DEPDC5: variants seen among roughly 807,000 people sequenced by gnomAD.
The protein encoded by DEPDC5 is DEP domain containing 5, GATOR1 subcomplex subunit, also known as GATOR1 complex protein DEPDC5.
In DEPDC5, 73 loss-of-function variants were observed where a neutral mutation model predicts 217.3. That is an observed-to-expected ratio of 0.34 (90% confidence interval 0.28 to 0.41). DEPDC5 has a LOEUF of 0.41. Ranked by LOEUF, DEPDC5 falls within the 10% of genes least tolerant of loss-of-function variation. The probability of loss-of-function intolerance (pLI) is 1.00; values close to 1 mark genes in which losing one functional copy is unlikely to be tolerated. For synonymous variants in DEPDC5, 733 were observed against 756.7 expected, an observed-to-expected ratio of 0.97 and a Z score of 0.51; for missense variants, 1,675 against 2,070.1, an observed-to-expected ratio of 0.81 and a Z score of 3.70.
chr22:31,846,165 A>T (rs1210033724), intron 30 of DEPDC5, among the ~76,000 whole-genome samples: 1 of 152,082 alleles, frequency 6.6e-6, no homozygotes, highest in Middle Eastern at 3.2e-3. Context: ...CCTGGCAACC[A>T]CTGGTGTGTT....
intron 10 of DEPDC5, among the ~76,000 whole-genome samples, chr22:31,790,275 A>G (rs2085464942): frequency 6.6e-6 from 1 of 152,158 alleles, no homozygotes; most frequent in South Asian, 2.1e-4. Context: ...TGTAGTCACT[A>G]AGCATACTTA....
chr22:31,814,885 T>C lies in DEPDC5; in HGVS notation c.1446-107T>C. Reference sequence around the variant, plus strand: ...CACTTGTAGATCACACTGGGGATTTTTGTTATTGGGTTCCATGTGGCTTGG... The same window carrying C: ...CACTTGTAGATCACACTGGGGATTTCTGTTATTGGGTTCCATGTGGCTTGG... On this transcript the variant is annotated intron_variant, in intron 20 of 42. Transcript: ENST00000651528. The C allele has an allele frequency of 6.5e-6, 8 of 1,223,276 alleles. No individual in the cohort carries two copies. The South Asian group carries it at 1.1e-4, about 17-fold the overall frequency. 75.8% of individuals were successfully genotyped at this position (1,223,276 alleles called of 1,614,324 possible).
rs748028381 is a variant in DEPDC5, at chr22:31,906,334, A to G, written c.4649A>G (p.Tyr1550Cys). The change falls in exon 43 of 43, where the codon TAC becomes TGC. Residue 1550 changes from tyrosine (Y) to cysteine (C), a missense_variant. Around this residue, in one of 11 missense-constraint regions of DEPDC5, gnomAD observed 42 missense variants for 27.7 expected, o/e 1.51. Coordinates refer to ENST00000651528, the MANE Select transcript of DEPDC5 (RefSeq NM_001242896.3). The surrounding 1 kb of genome is among the most constrained non-coding windows in gnomAD (Gnocchi z 5.1). ...GAGCGGGTCGGCTACAACTGGGCCTACAACACCATGCTCACCAAAACATGG... is the reference window on the plus strand; with the variant it reads ...GAGCGGGTCGGCTACAACTGGGCCTGCAACACCATGCTCACCAAAACATGG... ...CEERVGYNWA[Y>C]NTMLTKTWRS... The G allele has an allele frequency of 5.6e-6, 9 of 1,613,928 alleles. No individual in the cohort carries two copies. Among genetic ancestry groups the G allele is most frequent in the African/African-American group, 1.3e-5 (1 of 74,960 alleles).
intron 37 of DEPDC5, 53 bp downstream of exon 37, chr22:31,876,318 G>A (rs2092991613): frequency 1.4e-6 from 2 of 1,426,440 alleles, no homozygotes; most frequent in East Asian, 4.6e-5. Context: ...TTTTCCTGGT[G>A]ACTTGCTCTT....
At chr22:31,814,418 G>T (rs569201210) in intron 20 of DEPDC5, 3 of 153,024 alleles carry the variant, frequency 2.0e-5, no homozygotes, top group African/African-American at 7.2e-5. Flanking sequence ...TGCTTTTGCA[G>T]TTAGTTTGAA....
At chr22:31,881,195 C>T (rs1034969885) in intron 38 of DEPDC5, among the ~76,000 whole-genome samples, 6 of 144,946 alleles carry the variant, frequency 4.1e-5, no homozygotes, top group Non-Finnish European at 7.6e-5. Flanking sequence ...CCAGCTACTC[C>T]GGAGGCCGAG....
At chr22:31,883,344 C>G (rs2093226892) in intron 38 of DEPDC5, among the ~76,000 whole-genome samples, 1 of 152,098 alleles carries the variant, frequency 6.6e-6, no homozygotes, top group Admixed American at 6.6e-5. Flanking sequence ...GCTTTCAGAA[C>G]TTTGGGGTAG....
chr22:31,799,831 CAG>C (rs2086678678), intron 14 of DEPDC5, among the ~76,000 whole-genome samples: 1 of 75,886 alleles, frequency 1.3e-5, no homozygotes, highest in African/African-American at 6.1e-5. Flanking sequence ...TTTTTTGAGA[CAG>C]AGTCTTACTC....
chr22:31,770,138 G>A (rs1160364005), intron 7 of DEPDC5, among the ~76,000 whole-genome samples: 1 of 151,680 alleles, frequency 6.6e-6, no homozygotes, highest in Non-Finnish European at 1.5e-5. Context: ...GGAGGCTGAG[G>A]TGGGAGGATC....
At chr22:31,844,004 T>C (rs886909807) in intron 29 of DEPDC5, among the ~76,000 whole-genome samples, 192 bp downstream of exon 29, 1 of 152,000 alleles carries the variant, frequency 6.6e-6, no homozygotes, top group Non-Finnish European at 1.5e-5. Flanking sequence ...GGTTGGCAGA[T>C]CACCTGAGGT....
intron 10 of DEPDC5, among the ~76,000 whole-genome samples, chr22:31,791,287 G>A (rs927620774): frequency 1.3e-5 from 2 of 152,058 alleles, no homozygotes; most frequent in Admixed American, 1.3e-4. Flanking sequence ...CCCCTGCACT[G>A]CAGCCTATAA....
At chr22:31,785,087 TC>T in intron 10 of DEPDC5, 1 of 473,494 alleles carries the variant, frequency 2.1e-6, no homozygotes, top group Non-Finnish European at 3.7e-6. Context: ...CTGAAAACTT[TC>T]CCCCAAGATC....
At chr22:31,778,223 G>A (rs2084080667) in intron 8 of DEPDC5, 55 bp downstream of exon 8, 6 of 1,551,772 alleles carry the variant, frequency 3.9e-6, no homozygotes, top group Non-Finnish European at 8.9e-7. Flanking sequence ...TTATGGCTAA[G>A]TCCTAAAATC....
chr22:31,843,532 G>A, intron 28 of DEPDC5, 113 bp from the exon 29 acceptor site: 1 of 1,316,942 alleles, frequency 7.6e-7, no homozygotes, highest in Non-Finnish European at 1.0e-6. Flanking sequence ...GGTTACTACA[G>A]TTGAGGGGTA....
chr22:31,770,940 G>T (rs2083298319), intron 7 of DEPDC5, among the ~76,000 whole-genome samples: 1 of 151,118 alleles, frequency 6.6e-6, no homozygotes, highest in Admixed American at 6.6e-5. Context: ...GTGCCACCAT[G>T]CCCGGCTAAT....
intron 24 of DEPDC5, among the ~76,000 whole-genome samples, chr22:31,823,781 G>A (rs894526365): frequency 4.6e-5 from 7 of 152,082 alleles, no homozygotes; most frequent in Non-Finnish European, 1.0e-4. Flanking sequence ...GCAACTTAAC[G>A]TCCAGAGAGG....
At chr22:31,842,041 A>G (rs914461164) in intron 27 of DEPDC5, among the ~76,000 whole-genome samples, 1 of 152,218 alleles carries the variant, frequency 6.6e-6, no homozygotes, top group Non-Finnish European at 1.5e-5. Flanking sequence ...AGTTCAGCTA[A>G]TACTGGACAT....
intron 12 of DEPDC5, among the ~76,000 whole-genome samples, chr22:31,796,760 G>T (rs973021520): frequency 6.8e-6 from 1 of 148,062 alleles, no homozygotes; most frequent in East Asian, 2.1e-4. Flanking sequence ...GCAGTGGCTC[G>T]ATCTCGGCTC....
At chr22:31,814,882 T>C in intron 20 of DEPDC5, 110 bp from the exon 21 acceptor site, 29 of 1,182,874 alleles carry the variant, frequency 2.5e-5, no homozygotes, top group Non-Finnish European at 3.6e-5. Context: ...ACACTGGGGA[T>C]TTTTGTTATT....
Sources: gnomAD v4.1 joint callset for allele counts (sites outside exome capture counted in the v4.1 genomes callset) on GRCh38, gnomAD v4.1.1 for gene constraint, gnomAD v4.1.1 regional missense constraint, Gnocchi (gnomAD v3.1) non-coding constraint, MANE v1.5 for transcripts, NCBI Gene and HGNC (gene_info 2026-07-23, HGNC 2026-07-21) for gene names.